The following TET1 variants were observed in gnomAD, a reference collection of about 807,000 sequenced individuals.
The protein encoded by TET1 is tet methylcytosine dioxygenase 1.
TET1 carries 13 observed loss-of-function variants against 148.7 expected under a neutral mutation model. The ratio of observed to expected loss-of-function variants is 0.09; its 90% CI spans 0.06 to 0.14. TET1 has a LOEUF of 0.14. TET1 is among the 10% of genes least tolerant of loss of function. TET1 has a pLI of 1.00. For synonymous variants in TET1, 907 were observed against 937.2 expected, an observed-to-expected ratio of 0.97 and a Z score of 0.59; for missense variants, 2,182 against 2,553.8, an observed-to-expected ratio of 0.85 and a Z score of 3.14.
intron 1 of TET1, among the ~76,000 whole-genome samples, chr10:68,563,533 G>C (rs1368640411): frequency 6.6e-6 from 1 of 152,244 alleles, no homozygotes; most frequent in Non-Finnish European, 1.5e-5. Flanking sequence ...CTGGTAGTGG[G>C]AAGAATTGAA....
At chr10:68,626,862 T>C (rs1304119564) in intron 3 of TET1, among the ~76,000 whole-genome samples, 2 of 151,906 alleles carry the variant, frequency 1.3e-5, no homozygotes, top group Non-Finnish European at 2.9e-5. Flanking sequence ...TGTTATTTTA[T>C]TATTTATTTA....
chr10:68,574,281 C>T, intron 2 of TET1, 29 bp downstream of exon 2: 1 of 1,572,526 alleles, frequency 6.4e-7, no homozygotes. Context: ...GGCTGGGAGA[C>T]AGCTGACACT....
At position 68,573,221 on chromosome 10, in the gene TET1, G is replaced by C; in HGVS notation, c.883G>C (p.Asp295His). The C allele has an allele frequency of 6.2e-7, 1 of 1,613,916 alleles. No individual in the cohort carries two copies. Among genetic ancestry groups the C allele is most frequent in the South Asian group, 1.1e-5 (1 of 91,054 alleles). The change falls in exon 2 of 12, where the codon GAT becomes CAT. Residue 295 changes from aspartate to histidine, a missense_variant. Coordinates refer to ENST00000373644, the MANE Select transcript of TET1 (RefSeq NM_030625.3). ...SYLDPIKSEHDCYPTSSLNKV... is the reference protein window; with the variant it reads ...SYLDPIKSEHHCYPTSSLNKV... Reference sequence around the variant, plus strand: ...CCTGGATCCCATTAAAAGTGAACATGATTGCTACCCCACCTCCAGTCTTAA... The same window carrying C: ...CCTGGATCCCATTAAAAGTGAACATCATTGCTACCCCACCTCCAGTCTTAA...
intron 1 of TET1, among the ~76,000 whole-genome samples, chr10:68,562,186 A>G (rs1237620092): frequency 6.6e-6 from 1 of 152,064 alleles, no homozygotes; most frequent in Non-Finnish European, 1.5e-5. Context: ...TCTCCCCTGG[A>G]CCTGAGTGTG....
chr10:68,596,019 CACACACACAT>C (rs1431567750), intron 2 of TET1, among the ~76,000 whole-genome samples: 20 of 108,272 alleles, frequency 1.8e-4, no homozygotes, highest in Non-Finnish European at 3.2e-4. Flanking sequence ...CACACACACA[CACACACACAT>C]ATATATATAT....
At chr10:68,676,254 ATATATATATATATATTTTTTTTTT>A (rs1341300837) in intron 8 of TET1, among the ~76,000 whole-genome samples, 1 of 36,816 alleles carries the variant, frequency 2.7e-5, no homozygotes, top group African/African-American at 1.3e-4. Flanking sequence ...ATATATATAT[ATATATATATATATATTTTTTTTTT>A]TTTTTTTTTT....
chr10:68,605,544 C>T (rs1460728840), intron 3 of TET1, among the ~76,000 whole-genome samples: 1 of 152,192 alleles, frequency 6.6e-6, no homozygotes, highest in Non-Finnish European at 1.5e-5. Context: ...GACAGAGTCT[C>T]ACTCTGTCAC....
intron 2 of TET1, among the ~76,000 whole-genome samples, chr10:68,585,272 G>A (rs1176481060): frequency 6.6e-6 from 1 of 152,096 alleles, no homozygotes; most frequent in Non-Finnish European, 1.5e-5. Flanking sequence ...CCAAAGTGCT[G>A]GGATTACAGG....
intron 2 of TET1, among the ~76,000 whole-genome samples, chr10:68,599,520 G>A (rs2054027171): frequency 6.6e-6 from 1 of 152,260 alleles, no homozygotes; most frequent in Admixed American, 6.5e-5. Context: ...GTGTCTGGCA[G>A]GTGCTAGCTG....
At chr10:68,600,131 A>G (rs527466537) in intron 2 of TET1, among the ~76,000 whole-genome samples, 1 of 152,296 alleles carries the variant, frequency 6.6e-6, no homozygotes, top group African/African-American at 2.4e-5. Context: ...TCCCTGCCTT[A>G]AATATCGCCA....
intron 2 of TET1, among the ~76,000 whole-genome samples, chr10:68,581,486 G>C (rs1049639309): frequency 6.6e-6 from 1 of 152,186 alleles, no homozygotes; most frequent in African/African-American, 2.4e-5. Context: ...AGACATTAGA[G>C]AGTAGGTGCT....
chr10:68,665,827 A>C lies in TET1; in HGVS notation c.4462-1218A>C, dbSNP rs148679164. The stretch of plus-strand genomic sequence containing the variant: ...GTCTAGGGGGAAGGTCCTAAAGCCA[A>C]CTCTACTCAAGGGATGCCTTGGTAG... On this transcript the variant is annotated intron_variant, in intron 6 of 11. Coordinates refer to ENST00000373644, the MANE Select transcript of TET1 (RefSeq NM_030625.3). 8.1e-3 allele frequency among the ~76,000 whole-genome samples: 1,231 copies of C among 152,160 alleles called. 16 individuals carry two copies. Among genetic ancestry groups the C allele is most frequent in the African/African-American group, 0.028 (1,168 of 41,516 alleles).
chr10:68,610,188 C>A (rs925606535), intron 3 of TET1, among the ~76,000 whole-genome samples: 11 of 151,510 alleles, frequency 7.3e-5, no homozygotes, highest in African/African-American at 2.7e-4. Context: ...GAGGCTGATG[C>A]AAGAGAATGA....
chr10:68,681,657 C>T (rs1322965801), intron 9 of TET1, among the ~76,000 whole-genome samples, 169 bp downstream of exon 9: 2 of 152,132 alleles, frequency 1.3e-5, no homozygotes, highest in East Asian at 1.9e-4. Flanking sequence ...ATATGCCAGA[C>T]TGTTTTATAT....
rs189830453 is a variant in TET1 at position 68,608,456 on chromosome 10, C to T, written c.1968+7422C>T. The stretch of plus-strand genomic sequence containing the variant: ...TTCACCATCTTAGCCAGGCTGGTCT[C>T]GTACTCCTGACCTCGTGATCTACCC... On this transcript the variant is annotated intron_variant, in intron 3 of 11. Transcript: ENST00000373644. Among the ~76,000 whole-genome samples the T allele has an allele frequency of 1.1e-4, 17 of 151,988 alleles. No individual in the cohort carries two copies. The South Asian group carries it at 1.7e-3, about 15-fold the overall frequency.
intron 3 of TET1, among the ~76,000 whole-genome samples, chr10:68,627,008 C>T (rs759883978): frequency 6.6e-6 from 1 of 152,210 alleles, no homozygotes; most frequent in Non-Finnish European, 1.5e-5. Flanking sequence ...CGTATTGGCT[C>T]ATGCCTGTAA....
chr10:68,684,375 CTTTTT>C (rs5785868), intron 10 of TET1, among the ~76,000 whole-genome samples: 1 of 139,482 alleles, frequency 7.2e-6, no homozygotes, highest in Non-Finnish European at 1.5e-5. Context: ...GCCACAACAA[CTTTTT>C]TTTTTTTTTT....
Position 68,645,471 on chromosome 10 carries a change from G to C in TET1, c.2742G>C (p.Glu914Asp). ...PSENSSPSKS[E>D]KDEESEQRTA... is the part of the protein sequence containing the mutation. ...AGAATTCCTCCCCATCAAAGTCAGA[G>C]AAGGATGAGGAATCAGAGCAGAGAA... The change falls in exon 4 of 12, where the codon GAG (glutamate) becomes GAC (aspartate). Residue 914 changes from glutamate (E) to aspartate (D), a missense_variant. By Grantham distance (45) the Glu-to-Asp change is conservative (BLOSUM62 2). This residue lies in a region of TET1 where 582 missense variants were observed against 599.5 expected (regional missense o/e 0.97). Transcript: ENST00000373644. 6.2e-7 allele frequency: 1 copy of C among 1,613,836 alleles called. No homozygotes were observed.
intron 6 of TET1, among the ~76,000 whole-genome samples, chr10:68,658,625 A>C (rs949553681): frequency 2.7e-5 from 4 of 150,586 alleles, no homozygotes; most frequent in African/African-American, 9.8e-5. Context: ...GGTCATTAAA[A>C]CTCTCACATA....
Sources: gnomAD v4.1 joint callset for allele counts (sites outside exome capture counted in the v4.1 genomes callset) on GRCh38, gnomAD v4.1.1 for gene constraint, gnomAD v4.1.1 regional missense constraint, MANE v1.5 for transcripts, NCBI Gene and HGNC (gene_info 2026-07-23, HGNC 2026-07-21) for gene names.